Variants in CADM3 observed in about 807,000 individuals in gnomAD.
CADM3 encodes the protein TSLC1-like 1.
In CADM3, 11 loss-of-function variants were observed where a neutral mutation model predicts 44.9. The observed-to-expected ratio is 0.25, with a 90% CI of 0.15 to 0.41. The LOEUF is 0.41. CADM3 is among the 10% of genes least tolerant of loss of function. The probability of loss-of-function intolerance (pLI) is 1.00; values close to 1 mark genes in which losing one functional copy is unlikely to be tolerated. For synonymous variants in CADM3, 207 were observed against 205.2 expected (o/e 1.01, Z -0.08); for missense variants, 426 against 512.0 (o/e 0.83, Z 1.62).
At chr1:159,177,850 A>T (rs1649086161) in intron 1 of CADM3, among the ~76,000 whole-genome samples, 2 of 152,228 alleles carry the variant, frequency 1.3e-5, no homozygotes, top group South Asian at 4.1e-4. Context: ...CTGGATTCAT[A>T]GATTAAAAAT....
At chr1:159,192,782 C>A in intron 3 of CADM3, 52 bp downstream of exon 3, 8 of 1,575,890 alleles carry the variant, frequency 5.1e-6, no homozygotes, top group Non-Finnish European at 6.0e-6. Flanking sequence ...TGCAAACAAA[C>A]CTCCCTAGAT....
At chr1:159,172,200 C>G (rs1648838833) in intron 1 of CADM3, among the ~76,000 whole-genome samples, 1 of 151,956 alleles carries the variant, frequency 6.6e-6, no homozygotes, top group Non-Finnish European at 1.5e-5. Context: ...GTTTCTGTGT[C>G]AGTATCTGTG....
At chr1:159,195,978 TGA>T (rs1649873972) in intron 5 of CADM3, 1 of 167,036 alleles carries the variant, frequency 6.0e-6, no homozygotes, top group South Asian at 1.7e-4. Context: ...CAGAGAGAAC[TGA>T]GAAGTTGTGA....
chr1:159,196,501 A>C, intron 6 of CADM3, 47 bp downstream of exon 6: 15 of 1,492,358 alleles, frequency 1.0e-5, no homozygotes, highest in Non-Finnish European at 1.3e-5. Context: ...CCACATTCTC[A>C]GATTGCCTTC....
At chr1:159,186,578 GGTACAAGT>G (rs1649428443) in intron 1 of CADM3, among the ~76,000 whole-genome samples, 3 of 152,138 alleles carry the variant, frequency 2.0e-5, no homozygotes, top group African/African-American at 7.2e-5. Flanking sequence ...ATCCAAAGAA[GGTACAAGT>G]CTTTCACAAC....
At chr1:159,176,384 G>A (rs902172149) in intron 1 of CADM3, among the ~76,000 whole-genome samples, 8 of 152,118 alleles carry the variant, frequency 5.3e-5, no homozygotes, top group Non-Finnish European at 1.2e-4. Flanking sequence ...TAATCTCTGA[G>A]AATAGCAATC....
Position 159,192,601 on chromosome 1 carries a change from C to T in CADM3, c.253C>T (p.Leu85=), listed in dbSNP as rs187132036. The change falls in exon 3 of 9, where the codon CTG becomes TTG. Residue 85 remains leucine, a synonymous_variant. Coordinates refer to ENST00000368125, the MANE Select transcript of CADM3 (RefSeq NM_001127173.3). Reference sequence around the variant, plus strand: ...AGCCCTTCGAGATAATCGAATTCAGCTGGTTACCTCTACGCCCCACGAGCT... The same window carrying T: ...AGCCCTTCGAGATAATCGAATTCAGTTGGTTACCTCTACGCCCCACGAGCT... ...KRALRDNRIQ[L]VTSTPHELSI... is the part of the protein sequence containing the mutation. 13 of 1,614,150 alleles carry T rather than the reference C, an allele frequency of 8.1e-6. No individual in the cohort carries two copies. In the African/African-American group the frequency reaches 1.2e-4, roughly 15 times the overall value.
At chr1:159,194,110 G>A in intron 5 of CADM3, 70 bp downstream of exon 5, 4 of 1,491,146 alleles carry the variant, frequency 2.7e-6, no homozygotes, top group South Asian at 2.5e-5. Flanking sequence ...GAGAATGCAG[G>A]TGACTGTGCA....
intron 6 of CADM3, 41 bp downstream of exon 6, chr1:159,196,495 A>G (rs750427695): frequency 6.6e-6 from 10 of 1,513,724 alleles, no homozygotes; most frequent in Non-Finnish European, 9.1e-6. Context: ...TACTCTCCAC[A>G]TTCTCAGATT....
rs992950448 is a variant in CADM3 at position 159,192,726 on chromosome 1, G to A, written c.378G>A (p.Val126=). The A allele has an allele frequency of 3.1e-6, 5 of 1,611,548 alleles. No homozygotes were observed. The African/African-American group carries it at 5.3e-5, about 17-fold the overall frequency. The change falls in exon 3 of 9, where the codon GTG becomes GTA. Residue 126 remains valine (V), a synonymous_variant. Coordinates refer to ENST00000368125, the MANE Select transcript of CADM3 (RefSeq NM_001127173.3). ...PVRTAKSLVT[V]LGIPQKPIIT... ...GAACTGCCAAGTCCCTCGTCACTGT[G>A]CTAGGTGAGACTCCCAAACCCCAGT...
intron 7 of CADM3, 109 bp from the exon 8 acceptor site, chr1:159,199,642 G>A: frequency 7.0e-7 from 1 of 1,419,904 alleles, no homozygotes; most frequent in Non-Finnish European, 9.9e-7. Context: ...CCATTTTCCT[G>A]ATGTTAGTAC....
rs764864695 is a variant in CADM3, at chr1:159,199,916, G to C, written c.1078+40G>C. The C allele has an allele frequency of 1.2e-5, 20 of 1,604,968 alleles. No homozygotes were observed. The South Asian group carries it at 2.2e-4, about 18-fold the overall frequency. ...GAGAGCATCAGCAGAACTTGGGAGG[G>C]GCAGGGAGACCAATCAGAGGCAGGC... is the stretch of plus-strand genomic sequence containing the variant. On this transcript the variant is annotated intron_variant, in intron 8 of 8. Transcript: ENST00000368125.
At chr1:159,190,656 T>A (rs1220730400) in intron 1 of CADM3, among the ~76,000 whole-genome samples, 3 of 152,156 alleles carry the variant, frequency 2.0e-5, no homozygotes, top group Admixed American at 1.3e-4. Context: ...AGCACGCACA[T>A]CTTCATTCCT....
chr1:159,174,705 G>A (rs1294979919), intron 1 of CADM3, among the ~76,000 whole-genome samples: 1 of 152,186 alleles, frequency 6.6e-6, no homozygotes, highest in East Asian at 1.9e-4. Context: ...GAACAGGTAA[G>A]ACATTTAGAA....
chr1:159,189,042 A>G (rs1379707264), intron 1 of CADM3, among the ~76,000 whole-genome samples: 1 of 152,116 alleles, frequency 6.6e-6, no homozygotes, highest in Non-Finnish European at 1.5e-5. Context: ...GAAAAAAGAT[A>G]ATTTGAGTAG....
At chr1:159,188,070 TC>T (rs1162909703) in intron 1 of CADM3, among the ~76,000 whole-genome samples, 1 of 152,050 alleles carries the variant, frequency 6.6e-6, no homozygotes, top group Non-Finnish European at 1.5e-5. Context: ...TTAGCGCTTC[TC>T]CCATTTAAGA....
intron 1 of CADM3, among the ~76,000 whole-genome samples, 190 bp downstream of exon 1, chr1:159,172,043 G>C (rs926058537): frequency 6.6e-6 from 1 of 152,196 alleles, no homozygotes; most frequent in Non-Finnish European, 1.5e-5. Context: ...GTGCCGGTGT[G>C]TGCACCCTTC....
intron 1 of CADM3, among the ~76,000 whole-genome samples, chr1:159,174,579 T>C (rs34112951): frequency 6.6e-6 from 1 of 152,222 alleles, no homozygotes; most frequent in Non-Finnish European, 1.5e-5. Context: ...TGCTGGGGCA[T>C]ATCATTCCCT....
intron 8 of CADM3, among the ~76,000 whole-genome samples, 167 bp from the exon 9 acceptor site, chr1:159,200,637 G>A (rs1360540794): frequency 6.6e-6 from 1 of 152,222 alleles, no homozygotes; most frequent in African/African-American, 2.4e-5. Context: ...GTCAGGTGAG[G>A]CATGTTGGAA....
Sources: gnomAD v4.1 joint callset for allele counts (sites outside exome capture counted in the v4.1 genomes callset) on GRCh38, gnomAD v4.1.1 for gene constraint, MANE v1.5 for transcripts, NCBI Gene and HGNC (gene_info 2026-07-23, HGNC 2026-07-21) for gene names.